Variants in TENM3 observed in about 807,000 individuals in gnomAD.
TENM3 encodes teneurin transmembrane protein 3.
In TENM3, 63 loss-of-function variants were observed where a neutral mutation model predicts 255.1. The ratio of observed to expected loss-of-function variants is 0.25; its 90% CI spans 0.20 to 0.30. TENM3 has a LOEUF of 0.30. TENM3 is among the 10% of genes least tolerant of loss of function. TENM3 has a pLI of 1.00. For missense variants in TENM3, 2,929 were observed against 3,461.1 expected (o/e 0.85, Z 3.86); for synonymous variants, 1,306 against 1,322.3 (o/e 0.99, Z 0.27).
the TENM3 span, among the ~76,000 whole-genome samples, chr4:182,017,096 A>G: frequency 6.6e-6 from 1 of 152,246 alleles, no homozygotes; most frequent in African/African-American, 2.4e-5. Flanking sequence ...GATTTTAGAT[A>G]CAGACCACAG....
chr4:182,673,961 G>A (rs2152555327), intron 7 of TENM3, among the ~76,000 whole-genome samples: 2 of 152,240 alleles, frequency 1.3e-5, no homozygotes, highest in South Asian at 4.1e-4. Context: ...ACTGGAAATT[G>A]TCGCTTAATA....
intron 24 of TENM3, among the ~76,000 whole-genome samples, chr4:182,779,173 C>A (rs1764956768): frequency 1.3e-5 from 2 of 151,160 alleles, no homozygotes; most frequent in African/African-American, 2.4e-5. Flanking sequence ...CGTCATCTAG[C>A]ATTAGGTGTA....
chr4:181,984,823 TG>T, the TENM3 span, among the ~76,000 whole-genome samples: 16 of 148,614 alleles, frequency 1.1e-4, no homozygotes, highest in African/African-American at 3.5e-4. Context: ...TGTGTGTGTG[TG>T]TGTGTGTGTG....
At chr4:181,459,318 G>A in the TENM3 span, among the ~76,000 whole-genome samples, 8 of 151,818 alleles carry the variant, frequency 5.3e-5, no homozygotes, top group Non-Finnish European at 1.0e-4. Context: ...GCCTTTTCAC[G>A]TTCTGAAAAG....
chr4:182,523,811 C>T (rs1226064363), intron 3 of TENM3, among the ~76,000 whole-genome samples: 1 of 141,382 alleles, frequency 7.1e-6, no homozygotes, highest in African/African-American at 2.5e-5. Context: ...CCTTATTTTC[C>T]TATTTAAAAA....
At chr4:181,827,857 A>G in the TENM3 span, among the ~76,000 whole-genome samples, 3 of 152,124 alleles carry the variant, frequency 2.0e-5, no homozygotes, top group Non-Finnish European at 4.4e-5. Flanking sequence ...TTTCATGTTG[A>G]TCATTTTCAA....
At chr4:181,512,076 G>A in the TENM3 span, among the ~76,000 whole-genome samples, 7 of 151,948 alleles carry the variant, frequency 4.6e-5, no homozygotes, top group Admixed American at 6.6e-5. Flanking sequence ...CTGCTTTCTC[G>A]CCTTCTTCAT....
At chr4:181,987,981 A>C in the TENM3 span, among the ~76,000 whole-genome samples, 2 of 152,106 alleles carry the variant, frequency 1.3e-5, no homozygotes, top group East Asian at 3.9e-4. Flanking sequence ...AAACATGGGT[A>C]GGTTCGTAAT....
the TENM3 span, among the ~76,000 whole-genome samples, chr4:181,920,782 G>A: frequency 6.6e-6 from 1 of 151,786 alleles, no homozygotes; most frequent in Non-Finnish European, 1.5e-5. Flanking sequence ...CATTGCTTTT[G>A]GTGTTTTAGA....
At chr4:182,699,461 C>A (rs1329183975) in intron 12 of TENM3, among the ~76,000 whole-genome samples, 1 of 152,144 alleles carries the variant, frequency 6.6e-6, no homozygotes, top group Non-Finnish European at 1.5e-5. Flanking sequence ...AGTCTCAAAA[C>A]AGTTTACTGT....
the TENM3 span, among the ~76,000 whole-genome samples, chr4:181,817,966 G>A: frequency 6.6e-6 from 1 of 152,150 alleles, no homozygotes; most frequent in African/African-American, 2.4e-5. Flanking sequence ...GTTTGTTGCT[G>A]GTCTCTTTGG....
the TENM3 span, among the ~76,000 whole-genome samples, chr4:181,683,200 G>A: frequency 6.6e-6 from 1 of 151,926 alleles, no homozygotes; most frequent in Non-Finnish European, 1.5e-5. Context: ...ACCAGGTAGA[G>A]GACTATTATC....
At chr4:181,934,137 TTGAAG>T in the TENM3 span, among the ~76,000 whole-genome samples, 2 of 152,018 alleles carry the variant, frequency 1.3e-5, no homozygotes, top group East Asian at 1.9e-4. Context: ...AATGCGCTAA[TTGAAG>T]TGAAGAGTTT....
the TENM3 span, among the ~76,000 whole-genome samples, chr4:181,462,257 G>A: frequency 6.6e-6 from 1 of 152,136 alleles, no homozygotes; most frequent in African/African-American, 2.4e-5. Flanking sequence ...TAGGGTAATT[G>A]CCTCTTATTC....
chr4:182,269,093 T>C (rs553433328), intron 1 of TENM3, among the ~76,000 whole-genome samples: 2 of 152,312 alleles, frequency 1.3e-5, no homozygotes, highest in Admixed American at 1.3e-4. Flanking sequence ...AGTATTCAAA[T>C]GACTCACAAT....
intron 20 of TENM3, among the ~76,000 whole-genome samples, chr4:182,753,016 G>A (rs1038226972): frequency 2.8e-5 from 4 of 142,660 alleles, no homozygotes; most frequent in Admixed American, 1.6e-4. Context: ...GTGCGATCTC[G>A]GCTCACTGCA....
the TENM3 span, among the ~76,000 whole-genome samples, chr4:181,999,000 T>C: frequency 6.6e-6 from 1 of 152,150 alleles, no homozygotes; most frequent in Non-Finnish European, 1.5e-5. Context: ...AAATACTACA[T>C]GTAAAGCAGC....
At chr4:181,779,868 A>G in the TENM3 span, among the ~76,000 whole-genome samples, 1 of 152,016 alleles carries the variant, frequency 6.6e-6, no homozygotes, top group Non-Finnish European at 1.5e-5. Context: ...ATTCCCACCT[A>G]TGAGTGAGAA....
chr4:182,755,190 T>G lies in TENM3; in HGVS notation c.4823T>G (p.Phe1608Cys). ...GCTCAAGGACTGGAATTAGTTTTGT[T>G]TACTTACCATGGCAATAGTGGCCTT... Reference protein sequence around the residue: ...MTAQGLELVLFTYHGNSGLLA... With the variant: ...MTAQGLELVLCTYHGNSGLLA... The change falls in exon 22 of 28, where the codon TTT becomes TGT. Residue 1608 changes from phenylalanine (F) to cysteine (C), a missense_variant. Physicochemically the swap from Phe to Cys is radical, Grantham distance 205. Around this residue, in one of 6 missense-constraint regions of TENM3, gnomAD observed 1,608 missense variants for 1,884.4 expected, o/e 0.85. Coordinates refer to ENST00000511685, the MANE Select transcript of TENM3 (RefSeq NM_001080477.4). The G allele has an allele frequency of 6.2e-7, 1 of 1,613,100 alleles. No homozygotes were observed. Among genetic ancestry groups the G allele is most frequent in the Non-Finnish European group, 8.5e-7 (1 of 1,179,886 alleles).
Sources: allele counts gnomAD v4.1 joint callset (sites outside exome capture counted in the v4.1 genomes callset), GRCh38; gene constraint gnomAD v4.1.1; regional missense constraint gnomAD v4.1.1; transcripts MANE v1.5; gene names NCBI Gene and HGNC (gene_info 2026-07-23, HGNC 2026-07-21).